CFAP221: variants seen among roughly 807,000 people sequenced by gnomAD.
CFAP221 encodes cilia- and flagella-associated protein 221.
Under a neutral mutation model 113.1 loss-of-function variants are expected in CFAP221, and 97 were observed. The observed-to-expected ratio is 0.86, with a 90% CI of 0.73 to 1.02. The LOEUF (loss-of-function observed/expected upper bound fraction) is 1.02. Ranked by LOEUF, CFAP221 falls within the 50% of genes least tolerant of loss-of-function variation. The pLI, the probability that CFAP221 is intolerant of heterozygous loss-of-function variation, is 0.00. For synonymous variants in CFAP221, 331 were observed against 354.4 expected (o/e 0.93, Z 0.74); for missense variants, 1,025 against 1,013.4 (o/e 1.01, Z -0.16).
Position 119,629,862 on chromosome 2 carries a change from T to C in CFAP221, c.1651-13T>C, listed in dbSNP as rs763499406. 1.0e-5 allele frequency: 16 copies of C among 1,599,536 alleles called. No homozygotes were observed. Among genetic ancestry groups the C allele is most frequent in the African/African-American group, 1.3e-5 (1 of 74,392 alleles). On this transcript the variant is annotated splice_polypyrimidine_tract_variant and intron_variant, in intron 16 of 23. Transcript: ENST00000413369. Reference sequence around the variant, plus strand: ...TGGTGATTGTTCTCTTTTTTTCTCCTTTCACATTTTAGGCTCCTGATGGCC... The same window carrying C: ...TGGTGATTGTTCTCTTTTTTTCTCCCTTCACATTTTAGGCTCCTGATGGCC...
At chr2:119,649,203 A>T (rs184096478) in intron 22 of CFAP221, among the ~76,000 whole-genome samples, 45 of 152,336 alleles carry the variant, frequency 3.0e-4, no homozygotes, top group Non-Finnish European at 5.3e-4. Context: ...TACAGACGGT[A>T]CCTGGCTTAC....
intron 6 of CFAP221, among the ~76,000 whole-genome samples, chr2:119,583,631 C>G (rs1338487829): frequency 6.6e-6 from 1 of 152,138 alleles, no homozygotes; most frequent in Non-Finnish European, 1.5e-5. Flanking sequence ...CACTATGATA[C>G]AGAAGCTATA....
intron 2 of CFAP221, among the ~76,000 whole-genome samples, chr2:119,547,299 C>T (rs904147664): frequency 3.3e-5 from 5 of 152,180 alleles, no homozygotes; most frequent in Non-Finnish European, 7.3e-5. Context: ...GTGGCTCACT[C>T]CTATAATCCC....
intron 19 of CFAP221, among the ~76,000 whole-genome samples, chr2:119,631,803 C>T (rs1686792108): frequency 6.6e-6 from 1 of 152,104 alleles, no homozygotes; most frequent in South Asian, 2.1e-4. Context: ...GCACAAATTA[C>T]CAATGTCAGG....
intron 6 of CFAP221, among the ~76,000 whole-genome samples, chr2:119,578,089 T>G (rs1682581072): frequency 6.6e-6 from 1 of 152,176 alleles, no homozygotes; most frequent in African/African-American, 2.4e-5. Flanking sequence ...GGAAGTCTGG[T>G]TCTGTCCTGG....
chr2:119,628,940 A>C (rs1176271073), intron 16 of CFAP221, among the ~76,000 whole-genome samples: 1 of 152,186 alleles, frequency 6.6e-6, no homozygotes, highest in East Asian at 1.9e-4. Flanking sequence ...GAATAATTTG[A>C]AGCTGATATG....
At chr2:119,650,364 C>T (rs1206668404) in intron 22 of CFAP221, among the ~76,000 whole-genome samples, 1 of 152,212 alleles carries the variant, frequency 6.6e-6, no homozygotes, top group African/African-American at 2.4e-5. Flanking sequence ...TGCATGACAG[C>T]ATTTCTTGAG....
At chr2:119,634,356 A>G (rs560845479) in intron 19 of CFAP221, among the ~76,000 whole-genome samples, 3 of 152,150 alleles carry the variant, frequency 2.0e-5, no homozygotes, top group African/African-American at 4.8e-5. Flanking sequence ...AGTCCCAGCT[A>G]TTTGGGAGGC....
chr2:119,564,270 A>G (rs1264173808), intron 6 of CFAP221, among the ~76,000 whole-genome samples: 2 of 152,044 alleles, frequency 1.3e-5, no homozygotes, highest in Non-Finnish European at 2.9e-5. Context: ...ATCTGGAACA[A>G]TTTCCTTGGT....
chr2:119,559,960 G>T lies in CFAP221; in HGVS notation c.360G>T (p.Thr120=), dbSNP rs779348863. The part of the protein sequence containing the change: ...EHHLVPGLSL[T]VTVTFSPDEW... ...ACCTGGTCCCTGGCTTGTCCCTCACGGTCACCGTTACATTTTCTCCAGATG... is the reference window on the plus strand; with the variant it reads ...ACCTGGTCCCTGGCTTGTCCCTCACTGTCACCGTTACATTTTCTCCAGATG... The change falls in exon 5 of 24, where the codon ACG becomes ACT. Residue 120 remains threonine, a synonymous_variant. Coordinates refer to ENST00000413369, the MANE Select transcript of CFAP221 (RefSeq NM_001271049.2). 1.3e-6 allele frequency: 2 copies of T among 1,535,518 alleles called. No homozygotes were observed. Among genetic ancestry groups the T allele is most frequent in the South Asian group, 1.2e-5 (1 of 84,032 alleles).
intron 6 of CFAP221, chr2:119,573,032 ATGT>A (rs1392539438): frequency 6.4e-6 from 1 of 156,426 alleles, no homozygotes; most frequent in Non-Finnish European, 1.4e-5. Context: ...TCAGAATATG[ATGT>A]TTGAGTGTAA....
chr2:119,632,596 C>T (rs1240255345), intron 19 of CFAP221, among the ~76,000 whole-genome samples: 1 of 150,890 alleles, frequency 6.6e-6, no homozygotes, highest in African/African-American at 2.4e-5. Context: ...TGTCTGCTCT[C>T]ACTAATTCTA....
At chr2:119,607,652 T>C (rs918805469) in intron 11 of CFAP221, among the ~76,000 whole-genome samples, 5 of 152,098 alleles carry the variant, frequency 3.3e-5, no homozygotes, top group African/African-American at 9.7e-5. Context: ...TCATACCCAT[T>C]ATCAATCACT....
intron 14 of CFAP221, among the ~76,000 whole-genome samples, chr2:119,619,361 C>A (rs577203509): frequency 6.6e-6 from 1 of 152,110 alleles, no homozygotes; most frequent in Non-Finnish European, 1.5e-5. Context: ...TGGTGGGTGC[C>A]CCTCTGGGAT....
chr2:119,653,588 AG>A (rs1186161881), intron 23 of CFAP221, among the ~76,000 whole-genome samples: 1 of 152,214 alleles, frequency 6.6e-6, no homozygotes, highest in East Asian at 1.9e-4. Context: ...AACTCTTTGC[AG>A]TGTTTTCCGT....
chr2:119,653,428 T>G (rs1336134629), intron 23 of CFAP221, among the ~76,000 whole-genome samples: 1 of 152,144 alleles, frequency 6.6e-6, no homozygotes, highest in Non-Finnish European at 1.5e-5. Flanking sequence ...TTAACAAAAT[T>G]CAATCATATT....
At chr2:119,591,000 G>T (rs1343394527) in intron 7 of CFAP221, among the ~76,000 whole-genome samples, 1 of 152,180 alleles carries the variant, frequency 6.6e-6, no homozygotes, top group African/African-American at 2.4e-5. Flanking sequence ...CCTTATCTCA[G>T]AAAACACATA....
chr2:119,636,884 C>T (rs962659911), intron 19 of CFAP221, among the ~76,000 whole-genome samples: 1 of 152,256 alleles, frequency 6.6e-6, no homozygotes, highest in Middle Eastern at 3.4e-3. Flanking sequence ...GTGCCATTGC[C>T]ATTTCCACAA....
At chr2:119,637,498 GACAA>G (rs747060363) in intron 19 of CFAP221, among the ~76,000 whole-genome samples, 12 of 152,122 alleles carry the variant, frequency 7.9e-5, no homozygotes, top group East Asian at 1.9e-4. Context: ...TTAAAAGTTA[GACAA>G]ACAAACAACA....
Sources: gnomAD v4.1 joint callset for allele counts (sites outside exome capture counted in the v4.1 genomes callset) on GRCh38, gnomAD v4.1.1 for gene constraint, MANE v1.5 for transcripts, NCBI Gene and HGNC (gene_info 2026-07-23, HGNC 2026-07-21) for gene names.